The following NIBAN2 variants were observed in gnomAD, a reference collection of about 807,000 sequenced individuals.
The protein encoded by NIBAN2 is niban apoptosis regulator 2.
Under a neutral mutation model 81.8 loss-of-function variants are expected in NIBAN2, and 36 were observed. That is an observed-to-expected ratio of 0.44 (90% confidence interval 0.34 to 0.58). NIBAN2 has a LOEUF of 0.58. NIBAN2 is among the 20% of genes least tolerant of loss of function. NIBAN2 has a pLI of 0.02. For missense variants in NIBAN2, 897 were observed against 1,014.1 expected (o/e 0.88, Z 1.57); for synonymous variants, 445 against 441.6 (o/e 1.01, Z -0.10).
intron 1 of NIBAN2, among the ~76,000 whole-genome samples, chr9:127,549,600 G>A (rs1366016657): frequency 6.6e-6 from 1 of 152,172 alleles, no homozygotes; most frequent in Non-Finnish European, 1.5e-5. Context: ...GTGGGACTGG[G>A]GAGGGGCGAT....
At chr9:127,530,861 G>A (rs1350237979) in intron 2 of NIBAN2, among the ~76,000 whole-genome samples, 3 of 152,054 alleles carry the variant, frequency 2.0e-5, no homozygotes, top group African/African-American at 4.8e-5. Flanking sequence ...TCAACAACAC[G>A]ACCTGGGTTA....
chr9:127,510,293 A>T lies in NIBAN2; in HGVS notation c.1014T>A (p.His338Gln), dbSNP rs370582135. ...GGATGGATGGGATGTAGGGCTGGAC[A>T]TGGTTCCGCACGCACACCTCTGCCT... The part of the protein sequence containing the change: ...LPKAEVCVRN[H>Q]VQPYIPSILE... The change falls in exon 9 of 14, where the codon CAT becomes CAA. Residue 338 changes from histidine (H) to glutamine (Q), a missense_variant. By Grantham distance (24) the His-to-Gln change is conservative. Around this residue, in one of 3 missense-constraint regions of NIBAN2, gnomAD observed 619 missense variants for 691.0 expected, o/e 0.90. Coordinates refer to ENST00000373312, the MANE Select transcript of NIBAN2 (RefSeq NM_022833.4). 3.7e-6 allele frequency: 6 copies of T among 1,613,774 alleles called. No homozygotes were observed. The African/African-American group carries it at 8.0e-5, about 22-fold the overall frequency.
chr9:127,576,339 A>T (rs1037904969), intron 1 of NIBAN2, among the ~76,000 whole-genome samples: 2 of 151,936 alleles, frequency 1.3e-5, no homozygotes, highest in Non-Finnish European at 1.5e-5. Flanking sequence ...TCTGCTTGTA[A>T]ACTTCCAGGA....
intron 8 of NIBAN2, 35 bp downstream of exon 8, chr9:127,516,822 T>C (rs778007307): frequency 6.3e-7 from 1 of 1,593,996 alleles, no homozygotes; most frequent in Non-Finnish European, 8.6e-7. Flanking sequence ...CCTTGGCCCC[T>C]GGAGGGCCCG....
chr9:127,524,974 G>A (rs1390176680), intron 4 of NIBAN2, 84 bp downstream of exon 4: 3 of 1,015,488 alleles, frequency 3.0e-6, no homozygotes, highest in African/African-American at 3.2e-5. Context: ...GGGGCTGAAA[G>A]CAATGGGCTC....
intron 1 of NIBAN2, among the ~76,000 whole-genome samples, chr9:127,575,773 GC>G (rs1838001804): frequency 6.6e-6 from 1 of 151,402 alleles, no homozygotes; most frequent in Admixed American, 6.6e-5. Flanking sequence ...CAGGTGATCC[GC>G]CCGCCTTGGC....
At position 127,543,914 on chromosome 9, in the gene NIBAN2, T is replaced by G. The variant is rs550382853; in HGVS notation, c.56-12136A>C. ...GCACAGAGGCAGATCCCATATATGC[T>G]AAAAATTATAGTCAACATTGTTTCA... On this transcript the variant is annotated intron_variant, in intron 1 of 13. Transcript: ENST00000373312. Among the ~76,000 whole-genome samples, 46 of 152,330 alleles carry G rather than the reference T, an allele frequency of 3.0e-4. No individual in the cohort carries two copies. The South Asian group carries it at 6.6e-3, about 22-fold the overall frequency.
intron 1 of NIBAN2, among the ~76,000 whole-genome samples, chr9:127,537,035 T>C (rs1837292852): frequency 6.6e-6 from 1 of 152,180 alleles, no homozygotes; most frequent in Admixed American, 6.5e-5. Flanking sequence ...CATTATCTCA[T>C]CCATTCTGCC....
chr9:127,534,152 G>A (rs2073897620), intron 1 of NIBAN2, among the ~76,000 whole-genome samples: 1 of 152,238 alleles, frequency 6.6e-6, no homozygotes. Context: ...CTGAGCCTCG[G>A]TTTCCCCCAT....
chr9:127,519,467 G>A (rs1276939075), intron 5 of NIBAN2, among the ~76,000 whole-genome samples: 4 of 152,230 alleles, frequency 2.6e-5, no homozygotes, highest in African/African-American at 9.6e-5. Flanking sequence ...AGCCCAGGAA[G>A]GGGAAACGGA....
chr9:127,532,217 G>A (rs1228561041), intron 1 of NIBAN2, among the ~76,000 whole-genome samples: 1 of 152,172 alleles, frequency 6.6e-6, no homozygotes, highest in Non-Finnish European at 1.5e-5. Context: ...ACACAAAGGC[G>A]AATGTGCACT....
rs746754524 is a variant in NIBAN2 at position 127,545,115 on chromosome 9, C to T, written c.56-13337G>A. 3.9e-5 allele frequency among the ~76,000 whole-genome samples: 6 copies of T among 152,338 alleles called. No individual in the cohort carries two copies. The highest frequency in any genetic ancestry group is 7.2e-5 in the African/African-American group (3 of 41,576). ...CTCAGCCCCTCAGCTTCCTCCTCAG[C>T]GGAGGAAATCTGGCCTCTGGCCTTG... On this transcript the variant is annotated intron_variant, in intron 1 of 13. Coordinates refer to ENST00000373312, the MANE Select transcript of NIBAN2 (RefSeq NM_022833.4). The surrounding 1 kb of genome is among the most constrained non-coding windows in gnomAD (Gnocchi z 4.7).
chr9:127,510,370 C>CATA (rs752518593), intron 8 of NIBAN2, 37 bp from the exon 9 acceptor site: 2 of 1,527,508 alleles, frequency 1.3e-6, no homozygotes, highest in Non-Finnish European at 1.8e-6. Context: ...AGGGGCTCCC[C>CATA]AAGGAGCACC....
intron 1 of NIBAN2, among the ~76,000 whole-genome samples, chr9:127,542,505 A>C (rs1484543401): frequency 6.6e-6 from 1 of 152,214 alleles, no homozygotes; most frequent in East Asian, 1.9e-4. Flanking sequence ...GAGAGCCACG[A>C]AGCCACTGAG....
At chr9:127,569,244 A>C, upstream of NIBAN2, among the ~76,000 whole-genome samples, 1 of 118,598 alleles carries the variant, frequency 8.4e-6, no homozygotes, top group Non-Finnish European at 1.7e-5. Context: ...CGCCCCACCC[A>C]GCCCCTCCAG....
At chr9:127,549,411 G>A (rs548113989) in intron 1 of NIBAN2, among the ~76,000 whole-genome samples, 34 of 151,846 alleles carry the variant, frequency 2.2e-4, no homozygotes, top group East Asian at 9.7e-4. Flanking sequence ...TCACATGCAC[G>A]CCCACACGCA....
Position 127,563,895 on chromosome 9 carries a change from T to C in NIBAN2, c.55+4925A>G, listed in dbSNP as rs1005332116. 2.8e-4 allele frequency among the ~76,000 whole-genome samples: 43 copies of C among 152,190 alleles called. No individual in the cohort carries two copies. The highest frequency in any genetic ancestry group is 9.9e-4 in the African/African-American group (41 of 41,438). ...AATAATTAAGACACCCTTCTTCTCA[T>C]ATCTGGTTGTCAAAAGGATGAAAAT... On this transcript the variant is annotated intron_variant, in intron 1 of 13. Coordinates refer to ENST00000373312, the MANE Select transcript of NIBAN2 (RefSeq NM_022833.4). The surrounding 1 kb of genome is among the most constrained non-coding windows in gnomAD (Gnocchi z 4.1).
At chr9:127,574,201 G>C (rs906809802) in intron 1 of NIBAN2, among the ~76,000 whole-genome samples, 1 of 152,094 alleles carries the variant, frequency 6.6e-6, no homozygotes, top group African/African-American at 2.4e-5. Flanking sequence ...GTGGACAAAG[G>C]GTGGCAATGG....
chr9:127,566,512 A>C (rs1037395981), intron 1 of NIBAN2, among the ~76,000 whole-genome samples: 1 of 152,120 alleles, frequency 6.6e-6, no homozygotes, highest in Non-Finnish European at 1.5e-5. Context: ...GCAAAACAGC[A>C]CCGTGGCCGG....
Sources: allele counts gnomAD v4.1 joint callset (sites outside exome capture counted in the v4.1 genomes callset), GRCh38; gene constraint gnomAD v4.1.1; regional missense constraint gnomAD v4.1.1; non-coding constraint Gnocchi (gnomAD v3.1); transcripts MANE v1.5; gene names NCBI Gene and HGNC (gene_info 2026-07-23, HGNC 2026-07-21).